Variants in TSR2 observed in about 807,000 individuals in gnomAD.
The protein encoded by TSR2 is pre-rRNA-processing protein TSR2 homolog.
Under a neutral mutation model 13.3 loss-of-function variants are expected in TSR2, and 1 was observed. The ratio of observed to expected loss-of-function variants is 0.08; its 90% CI spans 0.03 to 0.36. The LOEUF is 0.36. Among genes scored for constraint, TSR2 ranks in the 10% least tolerant of loss-of-function variants. The pLI is 0.99. For missense variants in TSR2, 120 were observed against 151.1 expected (o/e 0.79, Z 1.08); for synonymous variants, 60 against 57.7 (o/e 1.04, Z -0.18).
rs1268913467 is a variant in TSR2 at position 54,444,267 on chromosome X, A to C, written c.441+83A>C. ...CAGCTAGATTCACAGGGAAGTGATAAGGGGATGGTGGTGGTTGGTGGTAGT... is the reference window on the plus strand; with the variant it reads ...CAGCTAGATTCACAGGGAAGTGATACGGGGATGGTGGTGGTTGGTGGTAGT... On this transcript the variant is annotated intron_variant, in intron 4 of 4. Coordinates refer to ENST00000375151, the MANE Select transcript of TSR2 (RefSeq NM_058163.3). The C allele has an allele frequency of 2.2e-5, 26 of 1,168,858 alleles. No individual in the cohort carries two copies. The East Asian group carries it at 4.5e-4, about 20-fold the overall frequency.
intron 2 of TSR2, among the ~76,000 whole-genome samples, chrX:54,442,631 ACTGT>A (rs754389403): frequency 2.0e-3 from 219 of 111,481 alleles, no homozygotes; most frequent in African/African-American, 6.1e-3. Context: ...TTCTTGAGTT[ACTGT>A]CTAATTCAGA....
intron 2 of TSR2, among the ~76,000 whole-genome samples, chrX:54,442,210 G>C (rs975595065): frequency 1.8e-5 from 2 of 111,645 alleles, no homozygotes; most frequent in African/African-American, 6.5e-5. Flanking sequence ...GAGAGGGAAA[G>C]ACTGATGAGA....
Position 54,446,077 on chromosome X carries a change from G to C in TSR2, c.*1527G>C. On this transcript the variant is annotated 3_prime_UTR_variant, in exon 5 of 5. Transcript: ENST00000375151. Reference sequence around the variant, plus strand: ...AATCAGACATGGGCAACTAGAGTGTGGGGTGGGGGCTCCCAGTTTGTCCCA... The same window carrying C: ...AATCAGACATGGGCAACTAGAGTGTCGGGTGGGGGCTCCCAGTTTGTCCCA... 1.8e-6 allele frequency: 2 copies of C among 1,134,150 alleles called. No homozygotes were observed. The highest frequency in any genetic ancestry group is 1.8e-5 in the African/African-American group (1 of 55,864). 93.5% of individuals were successfully genotyped at this position (1,134,150 alleles called of 1,213,427 possible).
rs1443729448 is a variant in TSR2, at chrX:54,444,599, G to A, written c.*49G>A. On this transcript the variant is annotated 3_prime_UTR_variant, in exon 5 of 5. Transcript: ENST00000375151. Reference sequence around the variant, plus strand: ...TGGGCCCTTATTTGCTGTTCTAAGAGTTGTCTGTAGGGGTTTTTTTTTTGA... The same window carrying A: ...TGGGCCCTTATTTGCTGTTCTAAGAATTGTCTGTAGGGGTTTTTTTTTTGA... 1 of 1,165,955 alleles carries A rather than the reference G, an allele frequency of 8.6e-7. No individual in the cohort carries two copies. Among genetic ancestry groups the A allele is most frequent in the Non-Finnish European group, 1.2e-6 (1 of 866,571 alleles).
Position 54,447,723 on chromosome X carries a change from G to T in TSR2, c.*3173G>T, listed in dbSNP as rs753966533. Among the ~76,000 whole-genome samples the T allele has an allele frequency of 3.6e-5, 4 of 112,470 alleles. No homozygotes were observed. The highest frequency in any genetic ancestry group is 1.3e-4 in the African/African-American group (4 of 31,018). On this transcript the variant is annotated 3_prime_UTR_variant, in exon 5 of 5. Transcript: ENST00000375151. ...GCGGATCTCAGGCATTCTTTCTTCA[G>T]TCAGAGCATTCATTCCTCAAGCCAT...
In TSR2 at chrX:54,447,902, C is replaced by T; in HGVS notation, c.*3352C>T. On this transcript the variant is annotated 3_prime_UTR_variant, in exon 5 of 5. Coordinates refer to ENST00000375151, the MANE Select transcript of TSR2 (RefSeq NM_058163.3). Reference sequence around the variant, plus strand: ...CCAGCTCTAGATGAAAATGTATTGACTTGGAGAGCAAAGAGAGCTGATGTG... The same window carrying T: ...CCAGCTCTAGATGAAAATGTATTGATTTGGAGAGCAAAGAGAGCTGATGTG... Among the ~76,000 whole-genome samples, 1 of 111,800 alleles carries T rather than the reference C, an allele frequency of 8.9e-6. No individual in the cohort carries two copies. Among genetic ancestry groups the T allele is most frequent in the South Asian group, 3.7e-4 (1 of 2,690 alleles).
At chrX:54,441,926 T>C (rs1276470603) in intron 2 of TSR2, among the ~76,000 whole-genome samples, 1 of 112,264 alleles carries the variant, frequency 8.9e-6, no homozygotes, top group Non-Finnish European at 1.9e-5. Flanking sequence ...AGAAAAACTC[T>C]TGTTCTGCTC....
intron 2 of TSR2, among the ~76,000 whole-genome samples, 189 bp from the exon 3 acceptor site, chrX:54,443,211 A>T (rs760100436): frequency 8.9e-6 from 1 of 112,068 alleles, no homozygotes; most frequent in East Asian, 2.8e-4. Flanking sequence ...GAGATTGGAA[A>T]TGAGGTATTT....
Position 54,440,727 on chromosome X carries a change from A to T in TSR2, c.119A>T (p.Gln40Leu). 8.3e-7 allele frequency: 1 copy of T among 1,209,118 alleles called. No homozygotes were observed. The highest frequency in any genetic ancestry group is 1.1e-6 in the Non-Finnish European group (1 of 894,242). The change falls in exon 2 of 5, where the codon CAG (glutamine) becomes CTG (leucine). Residue 40 changes from glutamine to leucine, a missense_variant. This residue lies in a region of TSR2 where 53 missense variants were observed against 52.3 expected (regional missense o/e 1.01). Coordinates refer to ENST00000375151, the MANE Select transcript of TSR2 (RefSeq NM_058163.3). ...VENGFGGVHSQEKAKWLGGAV... is the reference protein window; with the variant it reads ...VENGFGGVHSLEKAKWLGGAV... Reference sequence around the variant, plus strand: ...AATGGCTTCGGGGGTGTGCACAGCCAGGAGAAGGCCAAGTGGCTGGGGGGT... The same window carrying T: ...AATGGCTTCGGGGGTGTGCACAGCCTGGAGAAGGCCAAGTGGCTGGGGGGT...
intron 2 of TSR2, among the ~76,000 whole-genome samples, chrX:54,442,946 G>A (rs1921985677): frequency 9.0e-6 from 1 of 111,396 alleles, no homozygotes; most frequent in Admixed American, 9.6e-5. Flanking sequence ...CTTTGAGGAG[G>A]CCACCATTAG....
rs1220719631 is a variant in TSR2, at chrX:54,447,038, T to C, written c.*2488T>C. ...TGCGCTCGGTCCCATCTGCATACTC[T>C]TACCCACTCCAAATTGGACCTAGCA... On this transcript the variant is annotated 3_prime_UTR_variant, in exon 5 of 5. Transcript: ENST00000375151. Among the ~76,000 whole-genome samples the C allele has an allele frequency of 1.8e-5, 2 of 111,444 alleles. No individual in the cohort carries two copies. The highest frequency in any genetic ancestry group is 1.9e-4 in the Admixed American group (2 of 10,462).
Position 54,446,261 on chromosome X carries a change from AGCGTCGCT to A in TSR2, c.*1713_*1720del. 1 of 1,211,985 alleles carries A rather than the reference AGCGTCGCT, an allele frequency of 8.3e-7. No homozygotes were observed. Among genetic ancestry groups the A allele is most frequent in the Non-Finnish European group, 1.1e-6 (1 of 895,512 alleles). ...CCCGCCCGGCCAAGCACAGCCATCC[AGCGTCGCT>A]GTAGTTCCTCTGTCTCAGGGCTGAA... On this transcript the variant is annotated 3_prime_UTR_variant, in exon 5 of 5. Transcript: ENST00000375151.
At position 54,446,202 on chromosome X, in the gene TSR2, C is replaced by T; in HGVS notation, c.*1652C>T. 1 of 1,211,749 alleles carries T rather than the reference C, an allele frequency of 8.3e-7. No individual in the cohort carries two copies. The highest frequency in any genetic ancestry group is 1.8e-5 in the South Asian group (1 of 56,862). ...CCTCCTCCATCTCCCTGTCCTCAGA[C>T]AGTGTGGGCCCCGGGCAGAACGTGT... On this transcript the variant is annotated 3_prime_UTR_variant, in exon 5 of 5. Transcript: ENST00000375151.
At chrX:54,440,881 G>A in intron 2 of TSR2, 101 bp downstream of exon 2, 2 of 584,699 alleles carry the variant, frequency 3.4e-6, no homozygotes, top group South Asian at 3.6e-5. Context: ...GTTGTGGATT[G>A]GTACCTAAAG....
chrX:54,442,869 G>A (rs1921984162), intron 2 of TSR2, among the ~76,000 whole-genome samples: 1 of 112,472 alleles, frequency 8.9e-6, no homozygotes, highest in Non-Finnish European at 1.9e-5. Context: ...TTGCATGATA[G>A]AAATTAACAT....
Position 54,444,707 on chromosome X carries a change from C to T in TSR2, c.*157C>T. On this transcript the variant is annotated 3_prime_UTR_variant, in exon 5 of 5. Coordinates refer to ENST00000375151, the MANE Select transcript of TSR2 (RefSeq NM_058163.3). ...CTGGCTCCCTCCAGGGCAAGGAAAA[C>T]CTAGGGTCCTTGGTCTTGGGGGTGG... The T allele has an allele frequency of 1.9e-6, 1 of 514,599 alleles. No homozygotes were observed. Among genetic ancestry groups the T allele is most frequent in the Non-Finnish European group, 3.0e-6 (1 of 329,989 alleles). 42.4% of individuals were successfully genotyped at this position (514,599 alleles called of 1,213,427 possible). A position where few individuals can be genotyped will look rare whatever the true frequency, so the allele number is the denominator to read the frequency against.
At chrX:54,440,545 G>A in intron 1 of TSR2, 43 bp downstream of exon 1, 1 of 1,137,958 alleles carries the variant, frequency 8.8e-7, no homozygotes, top group Non-Finnish European at 1.2e-6. Context: ...GTTAGGGCCC[G>A]GGGCAGAACA....
intron 2 of TSR2, 60 bp downstream of exon 2, chrX:54,440,840 A>G: frequency 1.1e-6 from 1 of 934,123 alleles, no homozygotes; most frequent in East Asian, 3.3e-5. Flanking sequence ...GAGGAGCCCC[A>G]TCCCGCAGAG....
intron 3 of TSR2, 124 bp downstream of exon 3, chrX:54,443,615 C>A: frequency 2.0e-6 from 1 of 495,720 alleles, no homozygotes. Context: ...TGTAGCCTTT[C>A]CAAACCCTGC....
Sources: allele counts gnomAD v4.1 joint callset (sites outside exome capture counted in the v4.1 genomes callset), GRCh38; gene constraint gnomAD v4.1.1; regional missense constraint gnomAD v4.1.1; transcripts MANE v1.5; gene names NCBI Gene and HGNC (gene_info 2026-07-23, HGNC 2026-07-21).